The following TANC2 variants were observed in gnomAD, a reference collection of about 807,000 sequenced individuals.
TANC2 encodes the protein protein TANC2.
In TANC2, 26 loss-of-function variants were observed where a neutral mutation model predicts 210.5. The ratio of observed to expected loss-of-function variants is 0.12; its 90% confidence interval spans 0.09 to 0.17. The LOEUF is 0.17. Ranked by LOEUF, TANC2 falls within the 10% of genes least tolerant of loss-of-function variation. TANC2 has a pLI of 1.00. For missense variants in TANC2, 2,129 were observed against 2,608.9 expected (o/e 0.82, Z 4.01); for synonymous variants, 931 against 967.1 (o/e 0.96, Z 0.69).
rs895098266 is a variant in TANC2 at position 63,049,803 on chromosome 17, G to T, written c.68-24140G>T. Among the ~76,000 whole-genome samples the T allele has an allele frequency of 1.2e-4, 19 of 152,176 alleles. 1 individual carries two copies. Among genetic ancestry groups the T allele is most frequent in the Non-Finnish European group, 2.6e-4 (18 of 68,038 alleles). Reference sequence around the variant, plus strand: ...GAGAAACCAGGTTAGTCATGAGGGTGGCTGGGACTCAGGGTGGTGGTAGCA... The same window carrying T: ...GAGAAACCAGGTTAGTCATGAGGGTTGCTGGGACTCAGGGTGGTGGTAGCA... On this transcript the variant is annotated intron_variant, in intron 2 of 27. Transcript: ENST00000689528.
intron 11 of TANC2, chr17:63,332,493 C>G: frequency 2.4e-6 from 1 of 408,950 alleles, no homozygotes; most frequent in Non-Finnish European, 4.9e-6. Context: ...GTTCCTTGGG[C>G]CTCCTTTGCA....
At chr17:63,104,764 T>C (rs2037761947) in intron 4 of TANC2, among the ~76,000 whole-genome samples, 1 of 151,930 alleles carries the variant, frequency 6.6e-6, no homozygotes, top group South Asian at 2.1e-4. Flanking sequence ...TTGTGCTGTA[T>C]AGCTTTCTGT....
chr17:63,228,443 GT>G (rs1197897158), intron 7 of TANC2, among the ~76,000 whole-genome samples: 4 of 152,134 alleles, frequency 2.6e-5, no homozygotes, highest in Non-Finnish European at 5.9e-5. Context: ...GAATTTTAAA[GT>G]AGTTTTTTCT....
intron 4 of TANC2, among the ~76,000 whole-genome samples, chr17:63,132,229 CCTA>C (rs996964329): frequency 6.6e-6 from 1 of 151,988 alleles, no homozygotes; most frequent in Non-Finnish European, 1.5e-5. Flanking sequence ...CTACCTCTAT[CCTA>C]CTACTAGGAT....
chr17:63,196,953 T>A (rs1394284837), intron 6 of TANC2, among the ~76,000 whole-genome samples: 1 of 152,204 alleles, frequency 6.6e-6, no homozygotes, highest in Non-Finnish European at 1.5e-5. Flanking sequence ...TTTTATAATC[T>A]ATGCTCTTAA....
At chr17:63,296,554 A>G (rs1196699663) in intron 9 of TANC2, among the ~76,000 whole-genome samples, 1 of 152,180 alleles carries the variant, frequency 6.6e-6, no homozygotes, top group Non-Finnish European at 1.5e-5. Flanking sequence ...TCACTGGAAA[A>G]AATAAATTGA....
chr17:63,204,979 G>C (rs982243317), intron 7 of TANC2, among the ~76,000 whole-genome samples: 2 of 152,112 alleles, frequency 1.3e-5, no homozygotes, highest in African/African-American at 4.8e-5. Context: ...CAGCTACTGG[G>C]GAGGCTGAGG....
chr17:63,030,011 A>G (rs1234559213), intron 2 of TANC2, among the ~76,000 whole-genome samples: 1 of 152,270 alleles, frequency 6.6e-6, no homozygotes, highest in Admixed American at 6.5e-5. Context: ...TCAGTTAATG[A>G]CATGCTTTGT....
intron 5 of TANC2, chr17:63,151,974 T>C (rs2039668516): frequency 6.6e-6 from 1 of 152,176 alleles, no homozygotes; most frequent in South Asian, 2.1e-4. Context: ...ACTAAAACCC[T>C]TCTTGTGTGG....
intron 19 of TANC2, among the ~76,000 whole-genome samples, chr17:63,401,143 A>C (rs1374447642): frequency 6.6e-6 from 1 of 152,164 alleles, no homozygotes; most frequent in Non-Finnish European, 1.5e-5. Context: ...TGATCATTTA[A>C]ATTTTATAAT....
At chr17:63,358,863 G>A (rs903083033) in intron 14 of TANC2, among the ~76,000 whole-genome samples, 13 of 151,784 alleles carry the variant, frequency 8.6e-5, no homozygotes, top group Non-Finnish European at 1.6e-4. Flanking sequence ...TTTCTATATC[G>A]CTTTAGGCTC....
At chr17:63,347,196 A>G (rs1423611253) in intron 12 of TANC2, among the ~76,000 whole-genome samples, 2 of 152,252 alleles carry the variant, frequency 1.3e-5, no homozygotes, top group Non-Finnish European at 2.9e-5. Context: ...GATAAATTGT[A>G]GTACATTCAT....
intron 8 of TANC2, among the ~76,000 whole-genome samples, chr17:63,240,106 T>C (rs988572125): frequency 6.6e-6 from 1 of 152,180 alleles, no homozygotes; most frequent in African/African-American, 2.4e-5. Flanking sequence ...TTATGAAAAG[T>C]TCCAGGCAAG....
chr17:63,006,688 G>GT (rs1366628388), intron 1 of TANC2, among the ~76,000 whole-genome samples: 1 of 152,014 alleles, frequency 6.6e-6, no homozygotes, highest in African/African-American at 2.4e-5. Context: ...TTTGGTATGT[G>GT]TTTTGTGTTA....
chr17:63,085,578 G>T (rs1190520785), intron 3 of TANC2, among the ~76,000 whole-genome samples: 1 of 151,918 alleles, frequency 6.6e-6, no homozygotes, highest in Non-Finnish European at 1.5e-5. Context: ...AGGTAGTACA[G>T]ATACTGTGTA....
At chr17:63,007,898 C>G (rs925419585) in intron 1 of TANC2, among the ~76,000 whole-genome samples, 1 of 150,890 alleles carries the variant, frequency 6.6e-6, no homozygotes, top group African/African-American at 2.4e-5. Context: ...GGAAGAACTC[C>G]CTTTTAGTAA....
chr17:63,089,674 G>T lies in TANC2; in HGVS notation c.140-9501G>T, dbSNP rs376932323. On this transcript the variant is annotated intron_variant, in intron 3 of 27. Coordinates refer to ENST00000689528, the Ensembl canonical transcript of TANC2. ...GTGAGATAATTGCAGTCTCAGAGTG[G>T]TATAAATCTTTGCATGAAAGAACAT... Among the ~76,000 whole-genome samples the T allele has an allele frequency of 8.5e-5, 13 of 152,132 alleles. No individual in the cohort carries two copies. The East Asian group carries it at 1.5e-3, about 18-fold the overall frequency.
chr17:63,410,219 G>A (rs1417773556), intron 21 of TANC2, among the ~76,000 whole-genome samples: 1 of 152,118 alleles, frequency 6.6e-6, no homozygotes, highest in East Asian at 1.9e-4. Context: ...CTATCACTAT[G>A]ACTATAGTTA....
chr17:63,421,816 C>T lies in TANC2; in HGVS notation c.6086C>T (p.Pro2029Leu). Reference sequence around the variant, plus strand: ...CGAGTCAGCCAGGCCTCCTCCTATCCCGACGTGAAGGTAGCTCGGACTCTA... The same window carrying T: ...CGAGTCAGCCAGGCCTCCTCCTATCTCGACGTGAAGGTAGCTCGGACTCTA... The change falls in exon 28 of 28, where the codon CCC becomes CTC. Residue 2029 changes from proline to leucine, a missense_variant. Coordinates refer to ENST00000689528, the Ensembl canonical transcript of TANC2. The surrounding 1 kb of genome is among the most constrained non-coding windows in gnomAD (Gnocchi z 6.9). 1 of 1,614,042 alleles carries T rather than the reference C, an allele frequency of 6.2e-7. No individual in the cohort carries two copies. The highest frequency in any genetic ancestry group is 8.5e-7 in the Non-Finnish European group (1 of 1,179,908).
Sources: allele counts gnomAD v4.1 joint callset (sites outside exome capture counted in the v4.1 genomes callset), GRCh38; gene constraint gnomAD v4.1.1; non-coding constraint Gnocchi (gnomAD v3.1); transcripts MANE v1.5; gene names NCBI Gene and HGNC (gene_info 2026-07-23, HGNC 2026-07-21).